The following CHMP4B variants were observed in gnomAD, a reference collection of about 807,000 sequenced individuals.
CHMP4B encodes charged multivesicular body protein 4B.
CHMP4B carries 1 observed loss-of-function variant against 25.1 expected under a neutral mutation model. The ratio of observed to expected loss-of-function variants is 0.04; its 90% CI spans 0.01 to 0.19. The LOEUF is 0.19. Among genes scored for constraint, CHMP4B ranks in the 10% least tolerant of loss-of-function variants. The probability of loss-of-function intolerance (pLI) is 1.00; values close to 1 mark genes in which losing one functional copy is unlikely to be tolerated. For synonymous variants in CHMP4B, 101 were observed against 115.6 expected, an observed-to-expected ratio of 0.87 and a Z score of 0.81; for missense variants, 151 against 289.7, an observed-to-expected ratio of 0.52 and a Z score of 3.48.
chr20:33,828,757 T>C (rs1435195843), intron 1 of CHMP4B, among the ~76,000 whole-genome samples: 1 of 151,978 alleles, frequency 6.6e-6, no homozygotes, highest in African/African-American at 2.4e-5. Context: ...TGGTGCTTCT[T>C]GTCTTTTTTT....
Position 33,853,871 on chromosome 20 carries a change from C to A in CHMP4B, c.*311C>A. Reference sequence around the variant, plus strand: ...GACTACGCTGACTCCACTGCTGAATCCTCAATGGAAAGGGTCGACTGGTTG... The same window carrying A: ...GACTACGCTGACTCCACTGCTGAATACTCAATGGAAAGGGTCGACTGGTTG... On this transcript the variant is annotated 3_prime_UTR_variant, in exon 5 of 5. Coordinates refer to ENST00000217402, the MANE Select transcript of CHMP4B (RefSeq NM_176812.5). The A allele has an allele frequency of 4.4e-6, 2 of 458,594 alleles. No individual in the cohort carries two copies. Among genetic ancestry groups the A allele is most frequent in the South Asian group, 4.5e-5 (2 of 44,748 alleles). The allele number at this position is 458,594 out of a possible 1,614,324, so 28.4% of individuals were successfully genotyped here.
intron 1 of CHMP4B, among the ~76,000 whole-genome samples, chr20:33,823,568 C>A (rs751141563): frequency 5.3e-5 from 8 of 152,112 alleles, no homozygotes; most frequent in Non-Finnish European, 8.8e-5. Flanking sequence ...GACAGAGTCT[C>A]ACTCTGTTGC....
At chr20:33,812,077 G>A (rs1004514044) in intron 1 of CHMP4B, among the ~76,000 whole-genome samples, 1 of 151,888 alleles carries the variant, frequency 6.6e-6, no homozygotes, top group African/African-American at 2.4e-5. Context: ...GCCCTCTCCC[G>A]ACTCCTCGGT....
intron 1 of CHMP4B, among the ~76,000 whole-genome samples, chr20:33,837,472 TGG>T: frequency 6.7e-6 from 1 of 150,076 alleles, no homozygotes; most frequent in East Asian, 1.9e-4. Context: ...GAATGGCCTC[TGG>T]GGCAAGGGAG....
intron 1 of CHMP4B, among the ~76,000 whole-genome samples, chr20:33,826,603 C>T (rs781484053): frequency 6.6e-6 from 1 of 152,144 alleles, no homozygotes; most frequent in Non-Finnish European, 1.5e-5. Flanking sequence ...TCCATTACTG[C>T]TTGAGGGAAT....
intron 1 of CHMP4B, among the ~76,000 whole-genome samples, chr20:33,829,189 T>C (rs1411112802): frequency 1.3e-5 from 2 of 152,214 alleles, no homozygotes; most frequent in East Asian, 3.8e-4. Flanking sequence ...TGCTTCTTGC[T>C]GGGAGAGAGG....
chr20:33,846,620 C>G (rs1979696044), intron 1 of CHMP4B, among the ~76,000 whole-genome samples: 3 of 152,212 alleles, frequency 2.0e-5, no homozygotes, highest in East Asian at 1.9e-4. Context: ...GCCGTTTTCC[C>G]TTGGCAAATG....
At chr20:33,841,893 A>T (rs2122806865) in intron 1 of CHMP4B, among the ~76,000 whole-genome samples, 1 of 152,298 alleles carries the variant, frequency 6.6e-6, no homozygotes, top group East Asian at 1.9e-4. Flanking sequence ...GGAACTGCTG[A>T]TTTATTTGTA....
chr20:33,848,081 A>G (rs1979737611), intron 1 of CHMP4B, among the ~76,000 whole-genome samples: 1 of 152,126 alleles, frequency 6.6e-6, no homozygotes, highest in Admixed American at 6.5e-5. Flanking sequence ...TACATACAGT[A>G]TGTCATTTGC....
intron 1 of CHMP4B, among the ~76,000 whole-genome samples, chr20:33,819,001 C>T (rs1267811370): frequency 1.3e-5 from 2 of 152,074 alleles, no homozygotes; most frequent in Non-Finnish European, 2.9e-5. Context: ...CCTCTGCCTC[C>T]CGGGTTCAAG....
At chr20:33,843,565 G>A (rs1979601625) in intron 1 of CHMP4B, among the ~76,000 whole-genome samples, 1 of 152,120 alleles carries the variant, frequency 6.6e-6, no homozygotes, top group Admixed American at 6.5e-5. Context: ...AAAAGTTAAG[G>A]CAAAACATTA....
At chr20:33,850,808 A>T (rs906008199) in intron 2 of CHMP4B, 144 bp from the exon 3 acceptor site, 1 of 703,900 alleles carries the variant, frequency 1.4e-6, no homozygotes, top group Non-Finnish European at 2.6e-6. Context: ...AATAATGCCA[A>T]GTAACCCCTC....
chr20:33,841,369 A>C (rs1236680745), intron 1 of CHMP4B, among the ~76,000 whole-genome samples: 1 of 152,192 alleles, frequency 6.6e-6, no homozygotes, highest in Admixed American at 6.5e-5. Flanking sequence ...CTCTGGAAAA[A>C]GCTGTCTGCA....
chr20:33,818,905 C>G (rs1233061808), intron 1 of CHMP4B, among the ~76,000 whole-genome samples: 1 of 151,950 alleles, frequency 6.6e-6, no homozygotes, highest in Non-Finnish European at 1.5e-5. Context: ...ACCAGTGTTG[C>G]TCTTTTTTGT....
intron 1 of CHMP4B, among the ~76,000 whole-genome samples, chr20:33,820,796 G>GT (rs1242012156): frequency 6.6e-6 from 1 of 152,238 alleles, no homozygotes; most frequent in East Asian, 1.9e-4. Flanking sequence ...AATAGGAAGA[G>GT]TTTTTTGCGA....
At chr20:33,816,213 T>C (rs1978779215) in intron 1 of CHMP4B, among the ~76,000 whole-genome samples, 1 of 152,174 alleles carries the variant, frequency 6.6e-6, no homozygotes, top group African/African-American at 2.4e-5. Flanking sequence ...CCTTACTGTG[T>C]CCTAGGCCCC....
At position 33,850,254 on chromosome 20, in the gene CHMP4B, A is replaced by T. The variant is rs1379044334; in HGVS notation, c.369-698A>T. Among the ~76,000 whole-genome samples the T allele has an allele frequency of 3.9e-5, 6 of 152,296 alleles. No individual in the cohort carries two copies. The East Asian group carries it at 9.6e-4, about 24-fold the overall frequency. Reference sequence around the variant, plus strand: ...TTGCTGATGTTGCTCTAGAAATGTGAGGTTGCAGGAGAAGTAGCCTTCAAA... The same window carrying T: ...TTGCTGATGTTGCTCTAGAAATGTGTGGTTGCAGGAGAAGTAGCCTTCAAA... On this transcript the variant is annotated intron_variant, in intron 2 of 4. Transcript: ENST00000217402.
intron 3 of CHMP4B, among the ~76,000 whole-genome samples, chr20:33,851,865 A>G (rs1285638838): frequency 1.3e-5 from 2 of 152,204 alleles, no homozygotes; most frequent in Admixed American, 6.5e-5. Flanking sequence ...AGGACACCAG[A>G]GGTCTACATC....
At chr20:33,852,237 G>T (rs371588090) in intron 4 of CHMP4B, 34 bp downstream of exon 4, 1 of 1,613,428 alleles carries the variant, frequency 6.2e-7, no homozygotes, top group African/African-American at 1.3e-5. Flanking sequence ...ACACCGTGAG[G>T]TCATGTGGCA....
Sources: allele counts gnomAD v4.1 joint callset (sites outside exome capture counted in the v4.1 genomes callset), GRCh38; gene constraint gnomAD v4.1.1; transcripts MANE v1.5; gene names NCBI Gene and HGNC (gene_info 2026-07-23, HGNC 2026-07-21).